ZNF385D: variants seen among roughly 807,000 people sequenced by gnomAD.
The protein encoded by ZNF385D is zinc finger protein 385D, also known as zinc finger protein 659.
In ZNF385D, 15 loss-of-function variants were observed where a neutral mutation model predicts 35.8. The observed-to-expected ratio is 0.42, with a 90% confidence interval of 0.28 to 0.64. ZNF385D has a LOEUF of 0.64. ZNF385D is among the 30% of genes least tolerant of loss of function. The pLI is 0.23. For synonymous variants in ZNF385D, 212 were observed against 186.8 expected (o/e 1.13, Z -1.10); for missense variants, 474 against 494.6 (o/e 0.96, Z 0.39).
intron 3 of ZNF385D, among the ~76,000 whole-genome samples, chr3:22,048,561 A>T (rs1204464319): frequency 6.6e-6 from 1 of 152,196 alleles, no homozygotes; most frequent in Non-Finnish European, 1.5e-5. Flanking sequence ...CAACAAATAC[A>T]TGAATTTATT....
chr3:21,684,193 T>G (rs999312042), intron 1 of ZNF385D, among the ~76,000 whole-genome samples: 1 of 149,286 alleles, frequency 6.7e-6, no homozygotes, highest in African/African-American at 2.5e-5. Flanking sequence ...TTTTTACTCC[T>G]GGCCCCTTTA....
chr3:21,745,573 T>C (rs954665282), intron 1 of ZNF385D, among the ~76,000 whole-genome samples: 4 of 152,244 alleles, frequency 2.6e-5, no homozygotes, highest in African/African-American at 9.6e-5. Flanking sequence ...TAGCCACCTC[T>C]TATGCTGTAT....
At chr3:21,515,378 A>T (rs1055028250) in intron 3 of ZNF385D, among the ~76,000 whole-genome samples, 1 of 152,246 alleles carries the variant, frequency 6.6e-6, no homozygotes, top group African/African-American at 2.4e-5. Flanking sequence ...TATTATAAGC[A>T]TATATATCCA....
chr3:22,103,295 G>A (rs1383263916), intron 3 of ZNF385D, among the ~76,000 whole-genome samples: 1 of 150,988 alleles, frequency 6.6e-6, no homozygotes, highest in Non-Finnish European at 1.5e-5. Context: ...TAATCACTGT[G>A]GGCTCACAAG....
At chr3:22,151,249 G>A (rs757712774) in intron 3 of ZNF385D, among the ~76,000 whole-genome samples, 2 of 152,112 alleles carry the variant, frequency 1.3e-5, no homozygotes, top group African/African-American at 2.4e-5. Context: ...GCTGGCTGAC[G>A]GTGGTAGCAC....
intron 3 of ZNF385D, among the ~76,000 whole-genome samples, chr3:22,130,808 G>T (rs1276580312): frequency 6.6e-6 from 1 of 152,098 alleles, no homozygotes; most frequent in African/African-American, 2.4e-5. Flanking sequence ...TTCTTATGAA[G>T]GTACCTTCTT....
At chr3:22,177,308 C>A (rs1426185947) in intron 2 of ZNF385D, among the ~76,000 whole-genome samples, 1 of 152,184 alleles carries the variant, frequency 6.6e-6, no homozygotes, top group Non-Finnish European at 1.5e-5. Context: ...AAACAGCTTA[C>A]ATAAAACTTA....
At chr3:22,089,816 C>G (rs1701231259) in intron 3 of ZNF385D, among the ~76,000 whole-genome samples, 1 of 152,044 alleles carries the variant, frequency 6.6e-6, no homozygotes, top group Non-Finnish European at 1.5e-5. Context: ...ACTTCAACCC[C>G]ATATTTTGTA....
chr3:21,732,147 T>G (rs981162950), intron 1 of ZNF385D, among the ~76,000 whole-genome samples: 2 of 147,190 alleles, frequency 1.4e-5, no homozygotes, highest in African/African-American at 2.5e-5. Flanking sequence ...CCTCCCAGGT[T>G]CAAGTGATTC....
chr3:22,218,727 T>C (rs139889604), intron 2 of ZNF385D, among the ~76,000 whole-genome samples: 10 of 152,140 alleles, frequency 6.6e-5, no homozygotes, highest in African/African-American at 2.4e-4. Flanking sequence ...TATTATTAAT[T>C]GTCTTTCTCC....
At chr3:22,293,389 A>T (rs1332515105) in intron 2 of ZNF385D, among the ~76,000 whole-genome samples, 1 of 152,050 alleles carries the variant, frequency 6.6e-6, no homozygotes, top group African/African-American at 2.4e-5. Context: ...TAAATTATAC[A>T]TCTTCTTTTT....
intron 3 of ZNF385D, among the ~76,000 whole-genome samples, chr3:21,781,760 T>C (rs13062400): frequency 0.052 from 7,879 of 151,968 alleles, 480 homozygotes; most frequent in East Asian, 0.32. Context: ...TAAGCAGATA[T>C]TTGGAGGCTC....
At chr3:22,206,265 C>T (rs1017887793) in intron 2 of ZNF385D, among the ~76,000 whole-genome samples, 2 of 151,832 alleles carry the variant, frequency 1.3e-5, no homozygotes, top group African/African-American at 4.8e-5. Context: ...AACACTGGAA[C>T]ACCCAGATAT....
chr3:21,908,274 GA>G (rs1699798903), intron 3 of ZNF385D, among the ~76,000 whole-genome samples: 1 of 151,792 alleles, frequency 6.6e-6, no homozygotes, highest in Non-Finnish European at 1.5e-5. Context: ...AAGACGTAAG[GA>G]AAAGAAAAAT....
intron 3 of ZNF385D, among the ~76,000 whole-genome samples, chr3:21,893,626 G>A (rs1016545287): frequency 9.9e-5 from 15 of 152,122 alleles, no homozygotes; most frequent in African/African-American, 3.6e-4. Flanking sequence ...ATCGTTAGAA[G>A]TTCATTTGAA....
At chr3:21,805,531 C>T (rs1288879557) in intron 3 of ZNF385D, among the ~76,000 whole-genome samples, 2 of 152,124 alleles carry the variant, frequency 1.3e-5, no homozygotes, top group Admixed American at 6.5e-5. Context: ...AACAAAAGAC[C>T]ACTCTACTTA....
At chr3:22,200,934 G>C (rs1371923825) in intron 2 of ZNF385D, among the ~76,000 whole-genome samples, 2 of 152,056 alleles carry the variant, frequency 1.3e-5, no homozygotes, top group African/African-American at 2.4e-5. Flanking sequence ...CTGTTACCCT[G>C]GTCTTTTTTC....
At chr3:21,442,140 A>G (rs1559450651) in intron 4 of ZNF385D, among the ~76,000 whole-genome samples, 1 of 152,206 alleles carries the variant, frequency 6.6e-6, no homozygotes, top group Non-Finnish European at 1.5e-5. Flanking sequence ...AAAGCATAAG[A>G]AAGGATTCCA....
At chr3:21,521,992 G>T (rs1031134036) in intron 3 of ZNF385D, among the ~76,000 whole-genome samples, 3 of 152,064 alleles carry the variant, frequency 2.0e-5, no homozygotes, top group Non-Finnish European at 4.4e-5. Flanking sequence ...GGATAGAATA[G>T]GGCCCTATAA....
Sources: gnomAD v4.1 joint callset for allele counts (sites outside exome capture counted in the v4.1 genomes callset) on GRCh38, gnomAD v4.1.1 for gene constraint, MANE v1.5 for transcripts, NCBI Gene and HGNC (gene_info 2026-07-23, HGNC 2026-07-21) for gene names.